PRKCH: variants seen among roughly 807,000 people sequenced by gnomAD.
PRKCH encodes the protein protein kinase C eta.
PRKCH carries 28 observed loss-of-function variants against 82.5 expected under a neutral mutation model. That is an observed-to-expected ratio of 0.34 (90% CI 0.25 to 0.47). The LOEUF (loss-of-function observed/expected upper bound fraction) is 0.47. Ranked by LOEUF, PRKCH falls within the 20% of genes least tolerant of loss-of-function variation. The pLI is 1.00. For missense variants in PRKCH, 705 were observed against 881.8 expected (o/e 0.80, Z 2.54); for synonymous variants, 322 against 327.4 (o/e 0.98, Z 0.18).
At chr14:61,366,139 A>G (rs2046294388) in intron 1 of PRKCH, among the ~76,000 whole-genome samples, 1 of 152,100 alleles carries the variant, frequency 6.6e-6, no homozygotes. Flanking sequence ...TTTGCAAATA[A>G]TGCCTGGTCC....
intron 10 of PRKCH, among the ~76,000 whole-genome samples, chr14:61,487,089 C>T (rs1398370827): frequency 1.3e-5 from 2 of 152,146 alleles, no homozygotes; most frequent in African/African-American, 4.8e-5. Flanking sequence ...TGCAGTAAGA[C>T]TGGTGGGTGG....
chr14:61,530,615 C>G lies in PRKCH; in HGVS notation c.1761+20C>G. The G allele has an allele frequency of 6.4e-7, 1 of 1,574,032 alleles. No individual in the cohort carries two copies. The highest frequency in any genetic ancestry group is 8.6e-7 in the Non-Finnish European group (1 of 1,156,254). ...AAATCTGTAAGTTTGGCTTACCCAG[C>G]TAGCTTCTGATGTATTGCAAACCAG... is the stretch of plus-strand genomic sequence containing the variant. On this transcript the variant is annotated intron_variant, in intron 12 of 13. Transcript: ENST00000332981.
chr14:61,483,492 A>G (rs1886072905), intron 9 of PRKCH, among the ~76,000 whole-genome samples: 1 of 152,224 alleles, frequency 6.6e-6, no homozygotes, highest in African/African-American at 2.4e-5. Flanking sequence ...TTCCTTCTTC[A>G]CTATTAAATT....
At chr14:61,219,200 T>A (rs2044637180) in intron 1 of PRKCH, among the ~76,000 whole-genome samples, 1 of 152,234 alleles carries the variant, frequency 6.6e-6, no homozygotes, top group Admixed American at 6.5e-5. Context: ...CTTGGACCTC[T>A]GGAGGAGTGA....
At chr14:61,484,764 CTTTTTTTT>C (rs375542490) in intron 9 of PRKCH, among the ~76,000 whole-genome samples, 1 of 121,206 alleles carries the variant, frequency 8.3e-6, no homozygotes, top group East Asian at 2.5e-4. Flanking sequence ...ATTTGGCTTC[CTTTTTTTT>C]TTTTTTTTTT....
At chr14:61,382,077 A>G (rs1407593404) in intron 1 of PRKCH, among the ~76,000 whole-genome samples, 2 of 152,202 alleles carry the variant, frequency 1.3e-5, no homozygotes, top group Non-Finnish European at 2.9e-5. Context: ...GAGAGATAAT[A>G]TAGGTCAAGC....
intron 1 of PRKCH, among the ~76,000 whole-genome samples, chr14:61,294,630 A>G (rs1342243027): frequency 3.9e-5 from 6 of 152,080 alleles, no homozygotes; most frequent in Non-Finnish European, 8.8e-5. Flanking sequence ...ATGAGAATTG[A>G]ATATATTGTT....
intron 9 of PRKCH, among the ~76,000 whole-genome samples, chr14:61,469,549 C>T (rs971400120): frequency 6.6e-5 from 10 of 152,174 alleles, no homozygotes; most frequent in Non-Finnish European, 2.9e-5. Context: ...CCAGGTAGGA[C>T]CTGAAGCGGC....
intron 10 of PRKCH, among the ~76,000 whole-genome samples, chr14:61,503,172 A>G (rs994280534): frequency 6.6e-6 from 1 of 152,068 alleles, no homozygotes; most frequent in African/African-American, 2.4e-5. Context: ...GGAGCAGGGT[A>G]GATACTATTT....
chr14:61,395,300 G>C (rs2031409), intron 2 of PRKCH, among the ~76,000 whole-genome samples: 121,314 of 135,064 alleles, frequency 0.9, 55,922 homozygotes, highest in East Asian at 1. Context: ...GCCCCCCCCC[G>C]CATTTGCCTG....
chr14:61,390,678 A>T (rs927439945), intron 1 of PRKCH: 1 of 152,746 alleles, frequency 6.5e-6, no homozygotes, highest in Non-Finnish European at 1.5e-5. Context: ...CTCTCTCAAA[A>T]AAAAAAGAGT....
intron 10 of PRKCH, among the ~76,000 whole-genome samples, chr14:61,514,969 T>A (rs1421373102): frequency 6.6e-6 from 1 of 152,228 alleles, no homozygotes; most frequent in Admixed American, 6.5e-5. Context: ...TGGAGTTGAT[T>A]GCTTATTTGT....
chr14:61,463,579 A>G (rs1226483896), intron 9 of PRKCH, among the ~76,000 whole-genome samples: 1 of 152,216 alleles, frequency 6.6e-6, no homozygotes, highest in Non-Finnish European at 1.5e-5. Context: ...GACTAATTTG[A>G]TAACCTGTAC....
intron 7 of PRKCH, chr14:61,456,959 T>G: frequency 2.0e-6 from 1 of 503,480 alleles, no homozygotes; most frequent in South Asian, 2.5e-5. Flanking sequence ...TAGACGTATT[T>G]TTAATTGACC....
intron 1 of PRKCH, among the ~76,000 whole-genome samples, chr14:61,377,424 A>G (rs1268164361): frequency 1.3e-5 from 2 of 152,190 alleles, no homozygotes; most frequent in African/African-American, 4.8e-5. Context: ...AGATATTTCT[A>G]TTTGAGTACT....
chr14:61,308,659 C>T (rs778160993), intron 1 of PRKCH, among the ~76,000 whole-genome samples: 11 of 152,178 alleles, frequency 7.2e-5, no homozygotes, highest in Admixed American at 1.3e-4. Flanking sequence ...GACAGAGTCT[C>T]GCTCCATTGC....
At chr14:61,332,292 A>G (rs546924605) in intron 1 of PRKCH, among the ~76,000 whole-genome samples, 1 of 152,226 alleles carries the variant, frequency 6.6e-6, no homozygotes, top group Non-Finnish European at 1.5e-5. Context: ...AAAGAATTTT[A>G]TGAGACAGGA....
intron 10 of PRKCH, among the ~76,000 whole-genome samples, chr14:61,519,355 G>A (rs2042873555): frequency 6.6e-6 from 1 of 151,994 alleles, no homozygotes; most frequent in Non-Finnish European, 1.5e-5. Flanking sequence ...GTCTCACTAT[G>A]TTGCCTGGGA....
chr14:61,535,589 G>A (rs774871171), intron 12 of PRKCH, among the ~76,000 whole-genome samples: 2 of 152,220 alleles, frequency 1.3e-5, no homozygotes, highest in Non-Finnish European at 2.9e-5. Context: ...CTTCAGGTGA[G>A]GAGGCTGAGG....
Sources: allele counts gnomAD v4.1 joint callset (sites outside exome capture counted in the v4.1 genomes callset), GRCh38; gene constraint gnomAD v4.1.1; transcripts MANE v1.5; gene names NCBI Gene and HGNC (gene_info 2026-07-23, HGNC 2026-07-21).